Variants in ZNF518A observed in about 807,000 individuals in gnomAD.
ZNF518A encodes zinc finger protein 518A, also known as zinc finger protein 518.
A neutral mutation model predicts 102.7 loss-of-function variants in ZNF518A; 47 were observed. That is an observed-to-expected ratio of 0.46 (90% CI 0.36 to 0.58). The LOEUF (loss-of-function observed/expected upper bound fraction) is 0.58. Ranked by LOEUF, ZNF518A falls within the 20% of genes least tolerant of loss-of-function variation. The pLI, the probability that ZNF518A is intolerant of heterozygous loss-of-function variation, is 0.00. For missense variants in ZNF518A, 1,793 were observed against 1,699.8 expected (o/e 1.05, Z -0.96); for synonymous variants, 652 against 594.6 (o/e 1.10, Z -1.40).
chr10:96,191,937 G>T (rs782032473), intron 1 of ZNF518A: 1 of 1,612,486 alleles, frequency 6.2e-7, no homozygotes, highest in Admixed American at 1.7e-5. Context: ...TTGGGAAAGT[G>T]TCTGAAGCAA....
Position 96,160,451 on chromosome 10 carries a change from G to C in ZNF518A, c.4129G>C (p.Val1377Leu). The part of the protein sequence containing the change: ...IAKFNGHVLK[V>L]SLSKRTINAL... ...TAAATTTAATGGACATGTACTTAAG[G>C]TTTCATTGTCAAAAAGAACTATAAA... The change falls in exon 6 of 6, where the codon GTT becomes CTT. Residue 1377 changes from valine (V) to leucine (L), a missense_variant. Transcript: ENST00000316045. 1 of 1,613,342 alleles carries C rather than the reference G, an allele frequency of 6.2e-7. No individual in the cohort carries two copies. The highest frequency in any genetic ancestry group is 8.5e-7 in the Non-Finnish European group (1 of 1,179,566).
intron 3 of ZNF518A, among the ~76,000 whole-genome samples, chr10:96,145,319 C>G (rs1591160732): frequency 6.6e-6 from 1 of 152,184 alleles, no homozygotes; most frequent in Non-Finnish European, 1.5e-5. Context: ...ATCCTCCCAC[C>G]TTGGCCTCCC....
chr10:96,202,098 A>T (rs2083658018), intron 1 of ZNF518A, among the ~76,000 whole-genome samples: 1 of 152,178 alleles, frequency 6.6e-6, no homozygotes, highest in African/African-American at 2.4e-5. Flanking sequence ...CCTGGAGTAC[A>T]GTAAGAAAAG....
intron 1 of ZNF518A, among the ~76,000 whole-genome samples, chr10:96,199,747 C>T (rs2083578732): frequency 6.6e-6 from 1 of 152,126 alleles, no homozygotes; most frequent in South Asian, 2.1e-4. Context: ...TGGCCGGGCG[C>T]GGTGGCTCAC....
chr10:96,145,156 A>G (rs1554878029), intron 3 of ZNF518A, among the ~76,000 whole-genome samples: 1 of 151,756 alleles, frequency 6.6e-6, no homozygotes, highest in Non-Finnish European at 1.5e-5. Flanking sequence ...TGCAACCTCC[A>G]CCTCCTGGGT....
chr10:96,174,770 T>C (rs1304520371), intron 1 of ZNF518A, among the ~76,000 whole-genome samples: 2 of 134,090 alleles, frequency 1.5e-5, no homozygotes, highest in Admixed American at 1.5e-4. Context: ...AGATAGCAAT[T>C]CTTTACAAGC....
intron 1 of ZNF518A, chr10:96,199,374 T>C (rs187719037): frequency 3.5e-6 from 1 of 284,894 alleles, no homozygotes; most frequent in African/African-American, 2.2e-5. Flanking sequence ...TGTTTGTTTG[T>C]TTGCCATCTT....
rs112084328 is a variant in ZNF518A at position 96,197,784 on chromosome 10, C to T, written n.36-5790C>T. Among the ~76,000 whole-genome samples, 275 of 151,808 alleles carry T rather than the reference C, an allele frequency of 1.8e-3. 1 individual carries two copies. The highest frequency in any genetic ancestry group is 6.4e-3 in the African/African-American group (264 of 41,462). Reference sequence around the variant, plus strand: ...AAAAATCCCTAGCCGGGCATAGTGGCGGGCACCTGTAGTCCCAGCTACTCG... The same window carrying T: ...AAAAATCCCTAGCCGGGCATAGTGGTGGGCACCTGTAGTCCCAGCTACTCG... On this transcript the variant is annotated intron_variant and non_coding_transcript_variant, in intron 1 of 2. Coordinates refer to the ZNF518A transcript ENST00000442635.
At chr10:96,153,446 A>G (rs1161337239) in intron 3 of ZNF518A, among the ~76,000 whole-genome samples, 1 of 152,252 alleles carries the variant, frequency 6.6e-6, no homozygotes, top group Non-Finnish European at 1.5e-5. Context: ...CCATGCAACA[A>G]GTTGAACATA....
At chr10:96,137,505 G>A (rs2081663643) in intron 3 of ZNF518A, among the ~76,000 whole-genome samples, 1 of 152,176 alleles carries the variant, frequency 6.6e-6, no homozygotes, top group African/African-American at 2.4e-5. Flanking sequence ...TGGTACCAGT[G>A]ATCTTCACAT....
rs190248385 is a variant in ZNF518A at position 96,201,845 on chromosome 10, C to T, written n.36-1729C>T. On this transcript the variant is annotated intron_variant and non_coding_transcript_variant, in intron 1 of 2. Transcript: ENST00000442635. ...CAAAACAGCAAAATGCCCTGCTCTC[C>T]TGGAACTTAAATTTTAATGGATTGA... 2.0e-5 allele frequency among the ~76,000 whole-genome samples: 3 copies of T among 152,232 alleles called. No individual in the cohort carries two copies. In the East Asian group the frequency reaches 5.8e-4, roughly 29 times the overall value.
chr10:96,199,440 C>G, intron 1 of ZNF518A: 1 of 452,044 alleles, frequency 2.2e-6, no homozygotes, highest in South Asian at 1.6e-5. Flanking sequence ...CTGTTCACTC[C>G]TCAGTGGAGC....
At chr10:96,141,690 C>G (rs1179989334) in intron 3 of ZNF518A, among the ~76,000 whole-genome samples, 1 of 151,812 alleles carries the variant, frequency 6.6e-6, no homozygotes, top group African/African-American at 2.4e-5. Context: ...TATTTAATTA[C>G]TTTTGCATAT....
rs367633278 is a variant in ZNF518A, at chr10:96,139,622, C to G, written c.-302+5974C>G. The stretch of plus-strand genomic sequence containing the variant: ...ACAGCAGCCAGAACAGAGTAGGACA[C>G]TTGGGAAACCACCAAGGAGCTTTAA... On this transcript the variant is annotated intron_variant, in intron 3 of 5. Coordinates refer to ENST00000316045, the MANE Select transcript of ZNF518A (RefSeq NM_001330736.2). Among the ~76,000 whole-genome samples, 4 of 152,266 alleles carry G rather than the reference C, an allele frequency of 2.6e-5. No homozygotes were observed. The East Asian group carries it at 7.7e-4, about 29-fold the overall frequency.
chr10:96,193,623 T>A (rs1239167401), intron 1 of ZNF518A, among the ~76,000 whole-genome samples: 1 of 152,224 alleles, frequency 6.6e-6, no homozygotes. Context: ...CTCTCCTTTT[T>A]TTCTGTTTTT....
downstream of ZNF518A, chr10:96,204,254 A>T (rs2133964499): frequency 1.2e-6 from 1 of 801,008 alleles, no homozygotes; most frequent in Middle Eastern, 3.1e-4. Flanking sequence ...CCTTAAAGAT[A>T]AGTAAGACTC....
At chr10:96,197,188 T>G in intron 1 of ZNF518A, 1 of 700,350 alleles carries the variant, frequency 1.4e-6, no homozygotes, top group Non-Finnish European at 2.3e-6. Flanking sequence ...AGCTACATTA[T>G]TTTTATTATT....
At chr10:96,185,330 A>C (rs1399098524) in intron 1 of ZNF518A, among the ~76,000 whole-genome samples, 1 of 152,168 alleles carries the variant, frequency 6.6e-6, no homozygotes, top group African/African-American at 2.4e-5. Context: ...TTCTCCGTCC[A>C]GCTTTGTTCC....
At chr10:96,131,962 G>A (rs1043344520) in intron 1 of ZNF518A, among the ~76,000 whole-genome samples, 1 of 148,268 alleles carries the variant, frequency 6.7e-6, no homozygotes, top group Admixed American at 6.7e-5. Context: ...GTTTAGAATT[G>A]TTCTCATTGA....
Sources: allele counts gnomAD v4.1 joint callset (sites outside exome capture counted in the v4.1 genomes callset), GRCh38; gene constraint gnomAD v4.1.1; transcripts MANE v1.5; gene names NCBI Gene and HGNC (gene_info 2026-07-23, HGNC 2026-07-21).